CHRM2: variants seen among roughly 807,000 people sequenced by gnomAD.
CHRM2 encodes cholinergic receptor muscarinic 2, also known as muscarinic acetylcholine receptor M2.
CHRM2 carries 8 observed loss-of-function variants against 25.0 expected under a neutral mutation model. That is an observed-to-expected ratio of 0.32 (90% CI 0.19 to 0.58). The LOEUF is 0.58. Among genes scored for constraint, CHRM2 ranks in the 20% least tolerant of loss-of-function variants. CHRM2 has a pLI of 0.88. For missense variants in CHRM2, 440 were observed against 567.1 expected (o/e 0.78, Z 2.28); for synonymous variants, 202 against 205.7 (o/e 0.98, Z 0.15).
intron 2 of CHRM2, among the ~76,000 whole-genome samples, chr7:136,937,758 G>GA (rs202169183): frequency 0.012 from 1,863 of 152,186 alleles, 40 homozygotes; most frequent in African/African-American, 0.042. Flanking sequence ...AGATAGATTT[G>GA]AAAAAAATAG....
intron 2 of CHRM2, among the ~76,000 whole-genome samples, chr7:136,874,355 CT>C (rs1280146423): frequency 6.6e-6 from 1 of 151,380 alleles, no homozygotes; most frequent in East Asian, 1.9e-4. Flanking sequence ...ATTTATTTCT[CT>C]TTTTTTTTCT....
At chr7:136,888,603 C>CTG (rs1416313200) in intron 2 of CHRM2, among the ~76,000 whole-genome samples, 1 of 152,050 alleles carries the variant, frequency 6.6e-6, no homozygotes, top group Non-Finnish European at 1.5e-5. Context: ...TCAGCTCAGG[C>CTG]TGTGTGTTGA....
chr7:136,879,685 AGTTT>A (rs1387307123), intron 2 of CHRM2, among the ~76,000 whole-genome samples: 1 of 151,944 alleles, frequency 6.6e-6, no homozygotes, highest in Admixed American at 6.6e-5. Flanking sequence ...TCTCCCTCGC[AGTTT>A]GTTAGTTACA....
chr7:136,946,677 ACTTCC>A (rs1800092697), intron 2 of CHRM2, among the ~76,000 whole-genome samples: 1 of 152,172 alleles, frequency 6.6e-6, no homozygotes, highest in Non-Finnish European at 1.5e-5. Flanking sequence ...TTCTATTTAA[ACTTCC>A]TACAAGTAGA....
intron 2 of CHRM2, among the ~76,000 whole-genome samples, chr7:136,984,640 G>A (rs1802719760): frequency 6.6e-6 from 1 of 152,124 alleles, no homozygotes. Context: ...GTAGTATATG[G>A]GTTAGAGAGC....
intron 3 of CHRM2, among the ~76,000 whole-genome samples, chr7:137,012,165 C>G (rs1356341809): frequency 6.6e-6 from 1 of 151,790 alleles, no homozygotes; most frequent in Non-Finnish European, 1.5e-5. Flanking sequence ...TTTCATGAAA[C>G]AGATACACAT....
intron 2 of CHRM2, among the ~76,000 whole-genome samples, chr7:136,913,763 A>G (rs1338585392): frequency 6.6e-6 from 1 of 151,970 alleles, no homozygotes; most frequent in Non-Finnish European, 1.5e-5. Flanking sequence ...ATTTTAAAAA[A>G]TTATAAAGCT....
chr7:136,873,934 T>C (rs1795945180), intron 2 of CHRM2, among the ~76,000 whole-genome samples: 2 of 152,216 alleles, frequency 1.3e-5, no homozygotes, highest in Admixed American at 1.3e-4. Flanking sequence ...GCAGATGCCA[T>C]TTTCACCTCT....
At chr7:136,961,222 A>G (rs1801060824) in intron 2 of CHRM2, among the ~76,000 whole-genome samples, 1 of 152,228 alleles carries the variant, frequency 6.6e-6, no homozygotes, top group African/African-American at 2.4e-5. Flanking sequence ...TACAGTATTC[A>G]GTAAACTACA....
chr7:136,990,501 C>G (rs559748256), intron 2 of CHRM2, among the ~76,000 whole-genome samples: 1 of 152,180 alleles, frequency 6.6e-6, no homozygotes, highest in African/African-American at 2.4e-5. Context: ...CTGTCTCTCA[C>G]GTAACAATAT....
At chr7:136,928,579 T>C (rs193215754) in intron 2 of CHRM2, among the ~76,000 whole-genome samples, 1 of 152,322 alleles carries the variant, frequency 6.6e-6, no homozygotes, top group African/African-American at 2.4e-5. Context: ...CTGATTGAGT[T>C]AGCAGTGTGA....
At position 137,016,225 on chromosome 7, in the gene CHRM2, C is replaced by T; in HGVS notation, c.1360C>T (p.Leu454Phe). The change falls in exon 4 of 4, where the codon CTT becomes TTT. Residue 454 changes from leucine to phenylalanine, a missense_variant. By Grantham distance (22) the Leu-to-Phe change is conservative. Coordinates refer to ENST00000680005, the MANE Select transcript of CHRM2 (RefSeq NM_001006630.2). ...NATFKKTFKH[L>F]LMCHYKNIGA... ...CACCTTCAAGAAGACCTTTAAACAC[C>T]TTCTCATGTGTCATTATAAGAACAT... The T allele has an allele frequency of 6.2e-7, 1 of 1,612,942 alleles. No homozygotes were observed. Among genetic ancestry groups the T allele is most frequent in the Non-Finnish European group, 8.5e-7 (1 of 1,179,268 alleles).
At chr7:136,897,346 G>A (rs1190511297) in intron 2 of CHRM2, among the ~76,000 whole-genome samples, 9 of 152,018 alleles carry the variant, frequency 5.9e-5, no homozygotes, top group Admixed American at 5.3e-4. Flanking sequence ...TATTCATTTA[G>A]AAGTTATCAG....
rs1310949836 is a variant in CHRM2, at chr7:137,019,244, C to G, written c.*2978C>G. On this transcript the variant is annotated 3_prime_UTR_variant, in exon 4 of 4. Coordinates refer to ENST00000680005, the MANE Select transcript of CHRM2 (RefSeq NM_001006630.2). ...CCTGTTAGAAAAAGGTAATACTCACCAACCATGTATCAGAAAAACTTTTCT... is the reference window on the plus strand; with the variant it reads ...CCTGTTAGAAAAAGGTAATACTCACGAACCATGTATCAGAAAAACTTTTCT... The G allele has an allele frequency of 6.6e-6, 1 of 151,816 alleles. No homozygotes were observed. The highest frequency in any genetic ancestry group is 2.4e-5 in the African/African-American group (1 of 41,384). The allele number at this position is 151,816 out of a possible 1,614,324, so 9.4% of individuals were successfully genotyped here.
chr7:136,901,973 T>A (rs1797236480), intron 2 of CHRM2: 1 of 151,938 alleles, frequency 6.6e-6, no homozygotes, highest in South Asian at 2.1e-4. Flanking sequence ...CAGGAAGAAC[T>A]GTCAGTAGAT....
intron 3 of CHRM2, among the ~76,000 whole-genome samples, chr7:137,010,688 T>C (rs1804745326): frequency 6.6e-6 from 1 of 151,966 alleles, no homozygotes; most frequent in Non-Finnish European, 1.5e-5. Context: ...ACAATATTAG[T>C]ATAATCAGGC....
intron 2 of CHRM2, among the ~76,000 whole-genome samples, chr7:136,878,652 T>C (rs1243358406): frequency 6.6e-6 from 1 of 151,900 alleles, no homozygotes; most frequent in African/African-American, 2.4e-5. Flanking sequence ...TTAGAACCTA[T>C]GCCATTTCTT....
At chr7:136,883,214 C>T (rs967476910) in intron 2 of CHRM2, among the ~76,000 whole-genome samples, 1 of 152,114 alleles carries the variant, frequency 6.6e-6, no homozygotes, top group Non-Finnish European at 1.5e-5. Flanking sequence ...GTTTTTACCA[C>T]CTTCTAGGGA....
intron 2 of CHRM2, among the ~76,000 whole-genome samples, chr7:136,958,448 C>CTTTTTTT (rs56127104): frequency 5.5e-5 from 5 of 91,142 alleles, no homozygotes; most frequent in East Asian, 3.1e-4. Flanking sequence ...GCAGTGTCAT[C>CTTTTTTT]TTTTTTTTTT....
Sources: gnomAD v4.1 joint callset for allele counts (sites outside exome capture counted in the v4.1 genomes callset) on GRCh38, gnomAD v4.1.1 for gene constraint, MANE v1.5 for transcripts, NCBI Gene and HGNC (gene_info 2026-07-23, HGNC 2026-07-21) for gene names.